POFUT4: variants seen among roughly 807,000 people sequenced by gnomAD.
The protein encoded by POFUT4 is protein O-fucosyltransferase 4.
the POFUT4 span, among the ~76,000 whole-genome samples, chr10:73,776,985 A>G: frequency 1.3e-5 from 2 of 152,108 alleles, no homozygotes; most frequent in African/African-American, 2.4e-5. Context: ...GGCCTCAAAT[A>G]CATTTTTTTA....
chr10:73,772,296 C>A, the POFUT4 span: 26 of 1,383,080 alleles, frequency 1.9e-5, no homozygotes. Flanking sequence ...TGGGCGGGGT[C>A]GGTGCTGGCC....
At chr10:73,778,055 G>T in the POFUT4 span, among the ~76,000 whole-genome samples, 1 of 149,764 alleles carries the variant, frequency 6.7e-6, no homozygotes, top group African/African-American at 2.5e-5. Flanking sequence ...GTAGAAACAG[G>T]GTTTTGCCAT....
chr10:73,777,076 C>T, the POFUT4 span, among the ~76,000 whole-genome samples: 15 of 152,276 alleles, frequency 9.9e-5, no homozygotes, highest in East Asian at 2.7e-3. Flanking sequence ...ATTCTTACTG[C>T]TGGTTTGCAT....
the POFUT4 span, among the ~76,000 whole-genome samples, chr10:73,778,671 T>G: frequency 6.6e-6 from 1 of 152,238 alleles, no homozygotes; most frequent in African/African-American, 2.4e-5. Context: ...AACTAGGGTC[T>G]ACACTTAATA....
the POFUT4 span, among the ~76,000 whole-genome samples, chr10:73,777,310 C>CAAA: frequency 1.2e-5 from 1 of 86,558 alleles, no homozygotes. Flanking sequence ...AGTAGGTTGA[C>CAAA]AAAAAAAAAA....
the POFUT4 span, chr10:73,773,934 C>A: frequency 1.7e-6 from 2 of 1,156,530 alleles, no homozygotes; most frequent in Non-Finnish European, 2.4e-6. Flanking sequence ...TGGGCTCATT[C>A]TGTATTTAAG....
At chr10:73,772,663 AGCGCTGAGGGACTCGCGGACGCGC>A in the POFUT4 span, 6 of 1,557,110 alleles carry the variant, frequency 3.9e-6, no homozygotes, top group Admixed American at 3.9e-5. Flanking sequence ...GGAACCGCCG[AGCGCTGAGGGACTCGCGGACGCGC>A]GCGCTGCTCT....
the POFUT4 span, chr10:73,772,528 G>A: frequency 1.3e-6 from 2 of 1,564,680 alleles, no homozygotes; most frequent in Non-Finnish European, 1.7e-6. Flanking sequence ...CTGGGACGCC[G>A]CGGCCAGGGA....
At chr10:73,775,501 G>C in the POFUT4 span, 18 of 1,614,092 alleles carry the variant, frequency 1.1e-5, no homozygotes, top group Non-Finnish European at 1.5e-5. Flanking sequence ...TCATAACTAT[G>C]CTGCAGTTCC....
At chr10:73,777,556 C>CTTT in the POFUT4 span, among the ~76,000 whole-genome samples, 11 of 142,822 alleles carry the variant, frequency 7.7e-5, no homozygotes, top group Non-Finnish European at 1.5e-4. Flanking sequence ...TTCCCTATGA[C>CTTT]TTTTTTTTTT....
the POFUT4 span, chr10:73,776,046 C>A: frequency 4.7e-6 from 1 of 210,660 alleles, no homozygotes; most frequent in Non-Finnish European, 9.7e-6. Context: ...TTACGACTTA[C>A]AACTTTTGTT....
chr10:73,773,168 A>G, the POFUT4 span: 12 of 1,585,904 alleles, frequency 7.6e-6, no homozygotes, highest in Non-Finnish European at 1.0e-5. Context: ...CCCTCATGAC[A>G]GCCTTACTGT....
the POFUT4 span, chr10:73,775,593 GCT>G: frequency 1.4e-5 from 23 of 1,614,106 alleles, no homozygotes; most frequent in Non-Finnish European, 1.8e-5. Context: ...CCAGGGGGAA[GCT>G]CTCACTGCCA....
At chr10:73,775,568 T>C in the POFUT4 span, 48 of 1,614,116 alleles carry the variant, frequency 3.0e-5, no homozygotes, top group Non-Finnish European at 4.0e-5. Context: ...TGCAAGATTA[T>C]TGGCAAGGTC....
At chr10:73,775,366 G>A in the POFUT4 span, 2 of 1,506,854 alleles carry the variant, frequency 1.3e-6, no homozygotes, top group Non-Finnish European at 1.8e-6. Context: ...GTGACTTACT[G>A]CCTGTCGCTT....
the POFUT4 span, chr10:73,774,026 A>G: frequency 1.8e-6 from 1 of 560,720 alleles, no homozygotes; most frequent in Non-Finnish European, 3.1e-6. Context: ...AACGTATGAA[A>G]ATCAGCTTAT....
At chr10:73,773,397 C>T in the POFUT4 span, 1 of 1,614,220 alleles carries the variant, frequency 6.2e-7, no homozygotes, top group Non-Finnish European at 8.5e-7. Flanking sequence ...GCCCGTGTAC[C>T]GCGGTTCTCC....
At chr10:73,774,291 G>C in the POFUT4 span, 1 of 152,848 alleles carries the variant, frequency 6.5e-6, no homozygotes, top group Non-Finnish European at 1.5e-5. Flanking sequence ...GGTTACACCT[G>C]TTAACCAGCC....
At chr10:73,776,007 TG>T in the POFUT4 span, 1 of 275,470 alleles carries the variant, frequency 3.6e-6, no homozygotes. Flanking sequence ...CGACTGTACT[TG>T]ATTACCAGTG....
Sources: gnomAD v4.1 joint callset for allele counts (sites outside exome capture counted in the v4.1 genomes callset) on GRCh38, gnomAD v4.1.1 for gene constraint, MANE v1.5 for transcripts, NCBI Gene and HGNC (gene_info 2026-07-23, HGNC 2026-07-21) for gene names.